PIEZO2: variants seen among roughly 807,000 people sequenced by gnomAD.
PIEZO2 encodes the protein piezo-type mechanosensitive ion channel component 2.
PIEZO2 carries 172 observed loss-of-function variants against 337.3 expected under a neutral mutation model. The ratio of observed to expected loss-of-function variants is 0.51; its 90% CI spans 0.45 to 0.58. The LOEUF (loss-of-function observed/expected upper bound fraction) is 0.58. PIEZO2 is among the 20% of genes least tolerant of loss of function. The pLI, the probability that PIEZO2 is intolerant of heterozygous loss-of-function variation, is 0.00. For synonymous variants in PIEZO2, 1,251 were observed against 1,228.5 expected, an observed-to-expected ratio of 1.02 and a Z score of -0.38; for missense variants, 3,028 against 3,391.3, an observed-to-expected ratio of 0.89 and a Z score of 2.66.
intron 2 of PIEZO2, among the ~76,000 whole-genome samples, chr18:11,013,957 G>T (rs945899911): frequency 2.6e-5 from 4 of 152,220 alleles, no homozygotes; most frequent in Non-Finnish European, 5.9e-5. Context: ...ATACAAGACA[G>T]CTAATGAGAC....
intron 3 of PIEZO2, among the ~76,000 whole-genome samples, chr18:10,933,542 T>C (rs1470908970): frequency 6.6e-6 from 1 of 152,242 alleles, no homozygotes; most frequent in Non-Finnish European, 1.5e-5. Context: ...CTATGTCCGA[T>C]ATCCCATTTT....
In PIEZO2 at chr18:11,092,858, C is replaced by T. The variant is rs1230811984; in HGVS notation, c.65-26636G>A. Reference sequence around the variant, plus strand: ...GCCACATATCTGTCCAGGGAGCAATCGCCAGCTCTCACATCTCTTGCTATT... The same window carrying T: ...GCCACATATCTGTCCAGGGAGCAATTGCCAGCTCTCACATCTCTTGCTATT... On this transcript the variant is annotated intron_variant, in intron 1 of 55. Coordinates refer to ENST00000674853, the MANE Select transcript of PIEZO2 (RefSeq NM_001378183.1). The surrounding 1 kb of genome is among the most constrained non-coding windows in gnomAD (Gnocchi z 4.5). Among the ~76,000 whole-genome samples the T allele has an allele frequency of 2.0e-5, 3 of 152,168 alleles. No homozygotes were observed. Among genetic ancestry groups the T allele is most frequent in the East Asian group, 1.9e-4 (1 of 5,200 alleles).
At chr18:10,742,740 T>C in intron 31 of PIEZO2, 125 bp from the exon 32 acceptor site, 7 of 1,033,868 alleles carry the variant, frequency 6.8e-6, no homozygotes, top group Non-Finnish European at 9.5e-6. Context: ...GGAATACTTG[T>C]GAATTGTAAA....
intron 3 of PIEZO2, among the ~76,000 whole-genome samples, chr18:10,927,463 GTTCTGT>G (rs2031815844): frequency 6.6e-6 from 1 of 152,160 alleles, no homozygotes; most frequent in Non-Finnish European, 1.5e-5. Flanking sequence ...TGATGTAACA[GTTCTGT>G]GACAGCCAAG....
chr18:10,744,016 G>C (rs1255067980), intron 31 of PIEZO2, 126 bp downstream of exon 31: 1 of 614,014 alleles, frequency 1.6e-6, no homozygotes, highest in Admixed American at 3.2e-5. Context: ...AAATAAATAG[G>C]AAGTTGTGAA....
intron 2 of PIEZO2, among the ~76,000 whole-genome samples, chr18:11,052,391 A>G (rs1360620621): frequency 6.6e-6 from 1 of 152,180 alleles, no homozygotes; most frequent in Non-Finnish European, 1.5e-5. Flanking sequence ...GATCACATAC[A>G]TTCATCATGG....
chr18:10,834,739 C>G lies in PIEZO2; in HGVS notation c.917+20614G>C, dbSNP rs988227397. 2.0e-5 allele frequency among the ~76,000 whole-genome samples: 3 copies of G among 152,196 alleles called. No individual in the cohort carries two copies. The highest frequency in any genetic ancestry group is 7.2e-5 in the African/African-American group (3 of 41,450). Reference sequence around the variant, plus strand: ...GCCCTTCCCTTTCCACAAGGCCAGGCTTCCTAGAAAAGGCAGGGTGCCTAG... The same window carrying G: ...GCCCTTCCCTTTCCACAAGGCCAGGGTTCCTAGAAAAGGCAGGGTGCCTAG... On this transcript the variant is annotated intron_variant, in intron 7 of 55. Coordinates refer to ENST00000674853, the MANE Select transcript of PIEZO2 (RefSeq NM_001378183.1). This position sits in a 1 kb window ranked among gnomAD's most constrained non-coding sequence, Gnocchi z 4.5.
chr18:11,127,108 A>G lies in PIEZO2; in HGVS notation c.64+21417T>C, dbSNP rs933664260. Among the ~76,000 whole-genome samples the G allele has an allele frequency of 1.3e-5, 2 of 152,190 alleles. No individual in the cohort carries two copies. Among genetic ancestry groups the G allele is most frequent in the East Asian group, 1.9e-4 (1 of 5,190 alleles). ...GATATTACTAACCAAACTCACTAACATGAAAGAATTGAGACAGAGTAAGTC... is the reference window on the plus strand; with the variant it reads ...GATATTACTAACCAAACTCACTAACGTGAAAGAATTGAGACAGAGTAAGTC... On this transcript the variant is annotated intron_variant, in intron 1 of 55. Coordinates refer to ENST00000674853, the MANE Select transcript of PIEZO2 (RefSeq NM_001378183.1). The surrounding 1 kb of genome is among the most constrained non-coding windows in gnomAD (Gnocchi z 4.5).
At chr18:10,749,729 A>T (rs2037574274) in intron 29 of PIEZO2, among the ~76,000 whole-genome samples, 1 of 152,224 alleles carries the variant, frequency 6.6e-6, no homozygotes, top group African/African-American at 2.4e-5. Flanking sequence ...AGTCAGAGTT[A>T]CTTGATGCCC....
At chr18:10,702,855 T>C (rs1020875713) in intron 42 of PIEZO2, among the ~76,000 whole-genome samples, 1 of 152,106 alleles carries the variant, frequency 6.6e-6, no homozygotes, top group African/African-American at 2.4e-5. Flanking sequence ...TATATAGAAA[T>C]ATTTTATTTA....
At position 10,980,717 on chromosome 18, in the gene PIEZO2, T is replaced by A. The variant is rs2034631234; in HGVS notation, c.161-1057A>T. 6.6e-6 allele frequency among the ~76,000 whole-genome samples: 1 copy of A among 152,200 alleles called. No individual in the cohort carries two copies. On this transcript the variant is annotated intron_variant, in intron 2 of 55. Transcript: ENST00000674853. This position sits in a 1 kb window ranked among gnomAD's most constrained non-coding sequence, Gnocchi z 4.8. The stretch of plus-strand genomic sequence containing the variant: ...ATCTTACAAAAATGAACATACCTCT[T>A]CATTAACAATAATCAAAAAGAAATA...
rs149768854 is a variant in PIEZO2, at chr18:11,127,803, A to ATATGTG, written c.64+20721_64+20722insCACATA. On this transcript the variant is annotated intron_variant, in intron 1 of 55. Transcript: ENST00000674853. This position sits in a 1 kb window ranked among gnomAD's most constrained non-coding sequence, Gnocchi z 4.5. ...TGCATATACGTGTGTGTGTGTGTGC[A>ATATGTG]TGTGTGTGTGTGTGTGTGTGTGTAT... 6.8e-6 allele frequency among the ~76,000 whole-genome samples: 1 copy of ATATGTG among 146,756 alleles called. No individual in the cohort carries two copies. The highest frequency in any genetic ancestry group is 2.5e-5 in the African/African-American group (1 of 39,482).
chr18:10,715,632 T>C lies in PIEZO2; in HGVS notation c.5256+18A>G, dbSNP rs897698617. 1 of 1,501,032 alleles carries C rather than the reference T, an allele frequency of 6.7e-7. No homozygotes were observed. Among genetic ancestry groups the C allele is most frequent in the East Asian group, 2.5e-5 (1 of 40,104 alleles). 93.0% of individuals were successfully genotyped at this position (1,501,032 alleles called of 1,614,324 possible). ...TTAATGTGGGAAGGAGCAAAAAGAA[T>C]TACACCAGCAGTGTTACCTTCTTAA... is the stretch of plus-strand genomic sequence containing the variant. On this transcript the variant is annotated intron_variant, in intron 38 of 55. Coordinates refer to ENST00000674853, the MANE Select transcript of PIEZO2 (RefSeq NM_001378183.1).
Position 10,784,728 on chromosome 18 carries a change from G to T in PIEZO2, c.2492+56C>A, listed in dbSNP as rs1291783368. ...TCGCAAGGTGGCCAACCTAAGGTAG[G>T]GTTGAAGAGCTGCCTTCCTGCTAAT... On this transcript the variant is annotated intron_variant, in intron 17 of 55. Transcript: ENST00000674853. This position sits in a 1 kb window ranked among gnomAD's most constrained non-coding sequence, Gnocchi z 4.5. 3.8e-6 allele frequency: 5 copies of T among 1,330,278 alleles called. No individual in the cohort carries two copies. Among genetic ancestry groups the T allele is most frequent in the Non-Finnish European group, 4.8e-6 (5 of 1,040,292 alleles). 82.4% of individuals were successfully genotyped at this position (1,330,278 alleles called of 1,614,324 possible). A position where few individuals can be genotyped will look rare whatever the true frequency, so the allele number is the denominator to read the frequency against.
At chr18:10,832,011 T>C (rs770243614) in intron 7 of PIEZO2, among the ~76,000 whole-genome samples, 3 of 151,852 alleles carry the variant, frequency 2.0e-5, no homozygotes, top group African/African-American at 7.3e-5. Flanking sequence ...TTAAACAGAG[T>C]TGGAGGCCAG....
At chr18:10,807,782 C>T (rs201651335) in intron 7 of PIEZO2, among the ~76,000 whole-genome samples, 3,679 of 131,002 alleles carry the variant, frequency 0.028, 149 homozygotes, top group African/African-American at 0.098. Flanking sequence ...GTCAAATATA[C>T]AGTAAAATTT....
intron 7 of PIEZO2, among the ~76,000 whole-genome samples, chr18:10,809,260 CTTTTTTTTTTTTTTTTT>C (rs869210659): frequency 0.022 from 1,477 of 65,920 alleles, 37 homozygotes; most frequent in African/African-American, 0.075. Flanking sequence ...CTCTCTCTCT[CTTTTTTTTTTTTTTTTT>C]TTTTTTTTTT....
At position 10,748,366 on chromosome 18, in the gene PIEZO2, A is replaced by G; in HGVS notation, c.4424+105T>C. The G allele has an allele frequency of 7.8e-6, 9 of 1,155,272 alleles. No individual in the cohort carries two copies. Among genetic ancestry groups the G allele is most frequent in the Non-Finnish European group, 9.6e-6 (8 of 831,904 alleles). The allele number at this position is 1,155,272 out of a possible 1,614,324, so 71.6% of individuals were successfully genotyped here. On this transcript the variant is annotated intron_variant, in intron 30 of 55. Coordinates refer to ENST00000674853, the MANE Select transcript of PIEZO2 (RefSeq NM_001378183.1). The surrounding 1 kb of genome is among the most constrained non-coding windows in gnomAD (Gnocchi z 5.1). ...TTGGTTTTGCTGGAAGGGATTTCTT[A>G]ACTTCTTGTGGGTTCTAGAAGCAAG...
Position 10,780,377 on chromosome 18 carries a change from G to A in PIEZO2, c.2493-11C>T. The A allele has an allele frequency of 2.8e-6, 2 of 702,914 alleles. No individual in the cohort carries two copies. The highest frequency in any genetic ancestry group is 5.2e-6 in the Non-Finnish European group (2 of 384,958). The allele number at this position is 702,914 out of a possible 1,614,324, so 43.5% of individuals were successfully genotyped here. A position where few individuals can be genotyped will look rare whatever the true frequency, so the allele number is the denominator to read the frequency against. ...TTGACTTTGGCATGGCTACGAGGTG[G>A]CAGACGGAAGCACAGGGATGCAATG... On this transcript the variant is annotated splice_polypyrimidine_tract_variant and intron_variant, in intron 17 of 55. Coordinates refer to ENST00000674853, the MANE Select transcript of PIEZO2 (RefSeq NM_001378183.1).
Sources: gnomAD v4.1 joint callset for allele counts (sites outside exome capture counted in the v4.1 genomes callset) on GRCh38, gnomAD v4.1.1 for gene constraint, Gnocchi (gnomAD v3.1) non-coding constraint, MANE v1.5 for transcripts, NCBI Gene and HGNC (gene_info 2026-07-23, HGNC 2026-07-21) for gene names.